P2RX3: variants seen among roughly 807,000 people sequenced by gnomAD.
The protein encoded by P2RX3 is P2X purinoceptor 3.
A neutral mutation model predicts 51.5 loss-of-function variants in P2RX3; 41 were observed. The ratio of observed to expected loss-of-function variants is 0.80; its 90% CI spans 0.62 to 1.03. The LOEUF (loss-of-function observed/expected upper bound fraction) is 1.03, where lower values mean the gene tolerates loss of function less well. P2RX3 is among the 50% of genes least tolerant of loss of function. The pLI, the probability that P2RX3 is intolerant of heterozygous loss-of-function variation, is 0.00. For missense variants in P2RX3, 459 were observed against 522.1 expected, an observed-to-expected ratio of 0.88 and a Z score of 1.18; for synonymous variants, 185 against 191.6, an observed-to-expected ratio of 0.97 and a Z score of 0.29.
At chr11:57,355,180 A>G (rs77192406) in intron 8 of P2RX3, among the ~76,000 whole-genome samples, 2,836 of 152,304 alleles carry the variant, frequency 0.019, 38 homozygotes, top group Middle Eastern at 0.034. Context: ...GACAACTTTC[A>G]TCTGTGAAAT....
intron 8 of P2RX3, among the ~76,000 whole-genome samples, chr11:57,358,190 CAGTT>C (rs1206855715): frequency 9.2e-5 from 14 of 152,232 alleles, no homozygotes; most frequent in South Asian, 6.2e-4. Flanking sequence ...GTACTTCTAA[CAGTT>C]AGAGCTATCC....
intron 5 of P2RX3, 57 bp from the exon 6 acceptor site, chr11:57,348,570 G>A: frequency 6.9e-7 from 1 of 1,455,750 alleles, no homozygotes; most frequent in Non-Finnish European, 9.6e-7. Flanking sequence ...TCAGGTGAAA[G>A]CCTTCATTTC....
chr11:57,360,947 C>T (rs1208674283), intron 8 of P2RX3, among the ~76,000 whole-genome samples: 1 of 152,194 alleles, frequency 6.6e-6, no homozygotes, highest in Non-Finnish European at 1.5e-5. Context: ...GGGGGATGTC[C>T]CAACCCCAGC....
intron 4 of P2RX3, 148 bp downstream of exon 4, chr11:57,347,626 G>T: frequency 1.1e-6 from 1 of 891,836 alleles, no homozygotes; most frequent in Non-Finnish European, 1.8e-6. Flanking sequence ...CACACCCAGT[G>T]GGTGCTACAA....
chr11:57,371,520 G>A lies in P2RX3; in HGVS notation c.*1523G>A, dbSNP rs1262199560. ...AGGAAGTGGGGAAGGGACAGCTTCAGGAGTAGTTCAGGAGGCTCAAATGGT... is the reference window on the plus strand; with the variant it reads ...AGGAAGTGGGGAAGGGACAGCTTCAAGAGTAGTTCAGGAGGCTCAAATGGT... On this transcript the variant is annotated 3_prime_UTR_variant, in exon 12 of 12. Coordinates refer to ENST00000263314, the MANE Select transcript of P2RX3 (RefSeq NM_002559.5). 6.6e-6 allele frequency among the ~76,000 whole-genome samples: 1 copy of A among 152,244 alleles called. No homozygotes were observed. The highest frequency in any genetic ancestry group is 1.5e-5 in the Non-Finnish European group (1 of 68,038).
intron 1 of P2RX3, among the ~76,000 whole-genome samples, chr11:57,344,011 T>C (rs11824977): frequency 0.044 from 6,688 of 152,016 alleles, 521 homozygotes; most frequent in African/African-American, 0.15. Context: ...GAAATCTGAA[T>C]GAAACCCCTC....
rs73472555 is a variant in P2RX3 at position 57,341,305 on chromosome 11, T to G, written c.119+2636T>G. On this transcript the variant is annotated intron_variant, in intron 1 of 11. Coordinates refer to ENST00000263314, the MANE Select transcript of P2RX3 (RefSeq NM_002559.5). ...ATTTTTAAGGCTATAGTGTTAATAT[T>G]TCACTGATACTTCAATCTCTTCCCC... 3.3e-3 allele frequency among the ~76,000 whole-genome samples: 510 copies of G among 152,268 alleles called. 1 individual carries two copies. Among genetic ancestry groups the G allele is most frequent in the African/African-American group, 0.012 (490 of 41,542 alleles).
intron 4 of P2RX3, 24 bp from the exon 5 acceptor site, chr11:57,348,146 C>T (rs376945154): frequency 1.3e-6 from 2 of 1,542,026 alleles, no homozygotes; most frequent in African/African-American, 1.4e-5. Context: ...GGCAGCCACC[C>T]AGCAGCTGTG....
chr11:57,338,767 C>A, intron 1 of P2RX3, 98 bp downstream of exon 1: 1 of 784,174 alleles, frequency 1.3e-6, no homozygotes, highest in Non-Finnish European at 2.1e-6. Context: ...TCCTGAGCTC[C>A]TCTGCTCCTG....
At chr11:57,342,449 A>T (rs1377399751) in intron 1 of P2RX3, among the ~76,000 whole-genome samples, 1 of 151,914 alleles carries the variant, frequency 6.6e-6, no homozygotes, top group Non-Finnish European at 1.5e-5. Flanking sequence ...ATGAGTCACC[A>T]TGCCTGGCTG....
At chr11:57,356,085 G>A (rs1481722203) in intron 8 of P2RX3, among the ~76,000 whole-genome samples, 2 of 152,192 alleles carry the variant, frequency 1.3e-5, no homozygotes. Context: ...CTAGAGTTAA[G>A]TTTGCAAAGC....
upstream of P2RX3, among the ~76,000 whole-genome samples, chr11:57,336,831 A>T (rs566455515): frequency 6.6e-6 from 1 of 152,338 alleles, no homozygotes; most frequent in South Asian, 2.1e-4. Context: ...GGGGTAAGAG[A>T]CAACAGGAAT....
At chr11:57,341,774 C>A (rs1856344283) in intron 1 of P2RX3, among the ~76,000 whole-genome samples, 1 of 152,118 alleles carries the variant, frequency 6.6e-6, no homozygotes, top group Non-Finnish European at 1.5e-5. Flanking sequence ...CTTCCCAGGC[C>A]TTTGATGCCC....
intron 8 of P2RX3, among the ~76,000 whole-genome samples, chr11:57,355,851 A>G (rs1156943760): frequency 6.6e-6 from 1 of 152,126 alleles, no homozygotes; most frequent in Non-Finnish European, 1.5e-5. Flanking sequence ...TAAAATTCCA[A>G]GACTTTGAGG....
chr11:57,354,494 C>T (rs1856596770), intron 8 of P2RX3, among the ~76,000 whole-genome samples: 1 of 152,178 alleles, frequency 6.6e-6, no homozygotes, highest in Non-Finnish European at 1.5e-5. Flanking sequence ...AAGTGAAAGG[C>T]GCCCTCAGCA....
intron 8 of P2RX3, among the ~76,000 whole-genome samples, chr11:57,363,418 G>A (rs4939141): frequency 0.34 from 51,556 of 151,900 alleles, 10,519 homozygotes; most frequent in East Asian, 0.65. Context: ...GGTGGGGAGC[G>A]CCATGCAGTC....
chr11:57,355,389 A>ATGCAGTAG (rs199725747), intron 8 of P2RX3, among the ~76,000 whole-genome samples: 14,170 of 144,578 alleles, frequency 0.098, 861 homozygotes, highest in Non-Finnish European at 0.14. Flanking sequence ...CCAGGCTGGA[A>ATGCAGTAG]TGCAGTAGTG....
rs977741329 is a variant in P2RX3, at chr11:57,371,967, G to A, written c.*1970G>A. Among the ~76,000 whole-genome samples the A allele has an allele frequency of 2.8e-5, 4 of 145,432 alleles. No homozygotes were observed. Among genetic ancestry groups the A allele is most frequent in the South Asian group, 4.8e-4 (2 of 4,144 alleles). On this transcript the variant is annotated 3_prime_UTR_variant, in exon 12 of 12. Transcript: ENST00000263314. The stretch of plus-strand genomic sequence containing the variant: ...GCCTCCGCCCCTCTGGAGCCGGCCA[G>A]CAAGTGTGTGTGAGCCTGAGGTTGT...
chr11:57,354,407 A>G (rs1163873101), intron 8 of P2RX3, among the ~76,000 whole-genome samples: 1 of 152,174 alleles, frequency 6.6e-6, no homozygotes, highest in Non-Finnish European at 1.5e-5. Context: ...TGGTGGGGTC[A>G]TCTGGATTTC....
Sources: allele counts gnomAD v4.1 joint callset (sites outside exome capture counted in the v4.1 genomes callset), GRCh38; gene constraint gnomAD v4.1.1; transcripts MANE v1.5; gene names NCBI Gene and HGNC (gene_info 2026-07-23, HGNC 2026-07-21).